The following NEXMIF variants were observed in gnomAD, a reference collection of about 807,000 sequenced individuals.
NEXMIF encodes XLMR protein related to neurite extension.
Under a neutral mutation model 62.1 loss-of-function variants are expected in NEXMIF, and 8 were observed. The observed-to-expected ratio is 0.13, with a 90% CI of 0.08 to 0.23. NEXMIF has a LOEUF of 0.23. Ranked by LOEUF, NEXMIF falls within the 10% of genes least tolerant of loss-of-function variation. The probability of loss-of-function intolerance (pLI) is 1.00; values close to 1 mark genes in which losing one functional copy is unlikely to be tolerated. For missense variants in NEXMIF, 976 were observed against 1,113.3 expected, an observed-to-expected ratio of 0.88 and a Z score of 1.75; for synonymous variants, 404 against 416.6, an observed-to-expected ratio of 0.97 and a Z score of 0.37.
chrX:74,797,145 C>T (rs2080314673), intron 1 of NEXMIF, among the ~76,000 whole-genome samples: 2 of 111,876 alleles, frequency 1.8e-5, no homozygotes, highest in African/African-American at 6.5e-5. Context: ...CTGCAAAATA[C>T]CTGACCAGTA....
intron 1 of NEXMIF, among the ~76,000 whole-genome samples, chrX:74,889,952 G>GTCTCTCTC (rs72364877): frequency 1.1e-5 from 1 of 91,145 alleles, no homozygotes; most frequent in Non-Finnish European, 2.3e-5. Context: ...AACCTAATCT[G>GTCTCTCTC]TCTCTCTCTC....
chrX:74,800,716 T>C (rs2080327127), intron 1 of NEXMIF, among the ~76,000 whole-genome samples: 1 of 111,577 alleles, frequency 9.0e-6, no homozygotes, highest in Non-Finnish European at 1.9e-5. Flanking sequence ...TTCTATTGTA[T>C]AGATAGGCCA....
chrX:74,841,414 C>T (rs1022151995), intron 1 of NEXMIF, among the ~76,000 whole-genome samples: 9 of 111,682 alleles, frequency 8.1e-5, no homozygotes, highest in African/African-American at 2.6e-4. Context: ...AGAATCATGT[C>T]GTCTGCAAAC....
intron 1 of NEXMIF, among the ~76,000 whole-genome samples, chrX:74,821,258 C>T (rs1295745094): frequency 1.8e-5 from 2 of 110,949 alleles, no homozygotes; most frequent in Non-Finnish European, 3.8e-5. Flanking sequence ...TATCCTCTAA[C>T]TACCCATGAC....
At chrX:74,901,457 C>T (rs2080749235) in intron 1 of NEXMIF, among the ~76,000 whole-genome samples, 1 of 111,560 alleles carries the variant, frequency 9.0e-6, no homozygotes, top group Admixed American at 9.5e-5. Context: ...ACCTGTGAGG[C>T]ACAACTTTCA....
chrX:74,762,720 A>G (rs977373005), intron 1 of NEXMIF, among the ~76,000 whole-genome samples: 2 of 111,886 alleles, frequency 1.8e-5, no homozygotes, highest in Admixed American at 1.9e-4. Flanking sequence ...GCCAGTGATG[A>G]TGAGCATTTT....
At chrX:74,849,790 G>A (rs1404184591) in intron 1 of NEXMIF, among the ~76,000 whole-genome samples, 2 of 112,317 alleles carry the variant, frequency 1.8e-5, no homozygotes, top group African/African-American at 6.5e-5. Flanking sequence ...GGCTGATGCT[G>A]CCAGGGCTGA....
At chrX:74,888,540 T>G in intron 1 of NEXMIF, among the ~76,000 whole-genome samples, 1 of 109,258 alleles carries the variant, frequency 9.2e-6, no homozygotes, top group Non-Finnish European at 1.9e-5. Context: ...CGGGGCATGT[T>G]GAGGGGTGAG....
intron 1 of NEXMIF, among the ~76,000 whole-genome samples, chrX:74,842,496 T>C (rs548212386): frequency 6.2e-5 from 7 of 112,054 alleles, no homozygotes; most frequent in African/African-American, 2.3e-4. Context: ...TTTTTTTTAT[T>C]TCTTGTCTTC....
chrX:74,791,476 A>G (rs1306826800), intron 1 of NEXMIF, among the ~76,000 whole-genome samples: 1 of 111,245 alleles, frequency 9.0e-6, no homozygotes, highest in East Asian at 2.8e-4. Flanking sequence ...TGGTATCAGA[A>G]TGATGCTGGC....
intron 1 of NEXMIF, among the ~76,000 whole-genome samples, chrX:74,881,966 T>C (rs762251024): frequency 9.0e-6 from 1 of 111,616 alleles, no homozygotes; most frequent in Non-Finnish European, 1.9e-5. Context: ...GATTTCAACA[T>C]AGTCTCCCAT....
At chrX:74,817,678 T>C (rs1309140955) in intron 1 of NEXMIF, among the ~76,000 whole-genome samples, 2 of 111,508 alleles carry the variant, frequency 1.8e-5, no homozygotes, top group African/African-American at 3.3e-5. Context: ...CTTTAGGGCT[T>C]TAAGGTAGAT....
intron 1 of NEXMIF, among the ~76,000 whole-genome samples, chrX:74,827,287 A>G (rs2080421535): frequency 8.9e-6 from 1 of 112,024 alleles, no homozygotes; most frequent in African/African-American, 3.2e-5. Flanking sequence ...GGTAGGCCTG[A>G]AACATGTAAC....
chrX:74,924,668 C>G (rs2080837942), intron 1 of NEXMIF, among the ~76,000 whole-genome samples: 1 of 113,847 alleles, frequency 8.8e-6, no homozygotes, highest in African/African-American at 3.2e-5. Context: ...ATTGCAGTGC[C>G]TGTCAGGGCG....
chrX:74,769,043 C>A (rs1230582416), intron 1 of NEXMIF, among the ~76,000 whole-genome samples: 6 of 110,009 alleles, frequency 5.5e-5, no homozygotes, highest in African/African-American at 2.0e-4. Flanking sequence ...AGGCTTAGGG[C>A]ACTGGAGGAA....
intron 1 of NEXMIF, among the ~76,000 whole-genome samples, chrX:74,791,851 A>G (rs761213907): frequency 3.3e-4 from 37 of 110,675 alleles, no homozygotes; most frequent in Non-Finnish European, 3.8e-4. Flanking sequence ...TATTGCGTCT[A>G]TTAGATTCTT....
intron 1 of NEXMIF, among the ~76,000 whole-genome samples, chrX:74,796,190 T>TTATATATATATATATATATTA (rs1489336352): frequency 1.8e-5 from 1 of 56,697 alleles, no homozygotes; most frequent in Non-Finnish European, 3.3e-5. Flanking sequence ...TACATATATA[T>TTATATATATATATATATATTA]TATATATATA....
At chrX:74,829,206 C>CA (rs377661212) in intron 1 of NEXMIF, among the ~76,000 whole-genome samples, 67 of 111,668 alleles carry the variant, frequency 6.0e-4, no homozygotes, top group African/African-American at 2.2e-3. Context: ...ACAAACAATC[C>CA]AATTATACTC....
At chrX:74,768,856 G>T (rs1409318665) in intron 1 of NEXMIF, among the ~76,000 whole-genome samples, 1 of 111,892 alleles carries the variant, frequency 8.9e-6, no homozygotes, top group African/African-American at 3.2e-5. Flanking sequence ...ACTGGGTCCC[G>T]CTCAGGCTAC....
Sources: gnomAD v4.1 joint callset for allele counts (sites outside exome capture counted in the v4.1 genomes callset) on GRCh38, gnomAD v4.1.1 for gene constraint, MANE v1.5 for transcripts, NCBI Gene and HGNC (gene_info 2026-07-23, HGNC 2026-07-21) for gene names.